The following KDM5B variants were observed in gnomAD, a reference collection of about 807,000 sequenced individuals.
KDM5B encodes lysine-specific demethylase 5B.
A neutral mutation model predicts 193.4 loss-of-function variants in KDM5B; 144 were observed. The observed-to-expected ratio is 0.74, with a 90% CI of 0.65 to 0.86. The LOEUF (loss-of-function observed/expected upper bound fraction) is 0.86, where lower values mean the gene tolerates loss of function less well. Ranked by LOEUF, KDM5B falls within the 40% of genes least tolerant of loss-of-function variation. The pLI is 0.00. For synonymous variants in KDM5B, 668 were observed against 682.6 expected (o/e 0.98, Z 0.33); for missense variants, 1,833 against 1,886.9 (o/e 0.97, Z 0.53).
rs143823162 is a variant in KDM5B at position 202,776,715 on chromosome 1, T to C, written c.282+302A>G. Among the ~76,000 whole-genome samples, 391 of 152,134 alleles carry C rather than the reference T, an allele frequency of 2.6e-3. 1 individual carries two copies. The highest frequency in any genetic ancestry group is 4.3e-3 in the Non-Finnish European group (292 of 67,992). On this transcript the variant is annotated intron_variant, in intron 2 of 26. Coordinates refer to ENST00000367265, the MANE Select transcript of KDM5B (RefSeq NM_006618.5). ...TAGCTGGAACTACAGGCACACACCATCACACGTGGCTAATTTTTTAAACTA... is the reference window on the plus strand; with the variant it reads ...TAGCTGGAACTACAGGCACACACCACCACACGTGGCTAATTTTTTAAACTA...
chr1:202,807,881 G>A, intron 1 of KDM5B, among the ~76,000 whole-genome samples: 1 of 151,822 alleles, frequency 6.6e-6, no homozygotes, highest in Non-Finnish European at 1.5e-5. Context: ...CCATGGCACC[G>A]CCGAAGCCCC....
At chr1:202,766,461 G>C in intron 5 of KDM5B, 1 of 403,852 alleles carries the variant, frequency 2.5e-6, no homozygotes, top group Non-Finnish European at 4.8e-6. Context: ...AGCCAAGATC[G>C]CGCCACTGCA....
intron 1 of KDM5B, among the ~76,000 whole-genome samples, chr1:202,785,459 T>G (rs973174995): frequency 7.0e-6 from 1 of 142,756 alleles, no homozygotes; most frequent in Non-Finnish European, 1.6e-5. Context: ...CAAGTCACAC[T>G]GCCTGGGTTC....
At chr1:202,746,571 A>G in intron 14 of KDM5B, 1 of 397,986 alleles carries the variant, frequency 2.5e-6, no homozygotes. Context: ...TGATCTGAGT[A>G]TGAACACCAT....
At chr1:202,766,244 G>A (rs541285697) in intron 5 of KDM5B, among the ~76,000 whole-genome samples, 9 of 152,210 alleles carry the variant, frequency 5.9e-5, no homozygotes, top group South Asian at 4.1e-4. Context: ...GATGGCTCAC[G>A]CCTGTAATCC....
intron 1 of KDM5B, among the ~76,000 whole-genome samples, chr1:202,785,527 T>C (rs1286722371): frequency 1.3e-5 from 2 of 152,204 alleles, no homozygotes; most frequent in Admixed American, 1.3e-4. Flanking sequence ...ACCTTACGTA[T>C]GTGAATAAAG....
chr1:202,731,223 C>T (rs1654872861), intron 24 of KDM5B, among the ~76,000 whole-genome samples, 160 bp from the exon 25 acceptor site: 1 of 152,166 alleles, frequency 6.6e-6, no homozygotes, highest in Admixed American at 6.5e-5. Flanking sequence ...TTTAATGTGC[C>T]TAAAGCCACA....
At chr1:202,730,702 A>T (rs1340933243) in intron 25 of KDM5B, among the ~76,000 whole-genome samples, 1 of 152,198 alleles carries the variant, frequency 6.6e-6, no homozygotes, top group Non-Finnish European at 1.5e-5. Flanking sequence ...CACTAGAAGG[A>T]AGTGGCAGCA....
At position 202,774,538 on chromosome 1, in the gene KDM5B, T is replaced by G. The variant is rs75759300; in HGVS notation, c.405+75A>C. ...CCACCTGGCTGAGCAATAAGTTCCT[T>G]TTTAAGGCAAAGAAGATCAAATTCA... On this transcript the variant is annotated intron_variant, in intron 3 of 26. Coordinates refer to ENST00000367265, the MANE Select transcript of KDM5B (RefSeq NM_006618.5). The G allele has an allele frequency of 1.3e-3, 1,920 of 1,452,192 alleles. 27 individuals are homozygous for G. The African/African-American group carries it at 0.025, about 19-fold the overall frequency. 90.0% of individuals were successfully genotyped at this position (1,452,192 alleles called of 1,614,324 possible). A position where few individuals can be genotyped will look rare whatever the true frequency, so the allele number is the denominator to read the frequency against.
chr1:202,770,087 T>C (rs1040828112), intron 4 of KDM5B, among the ~76,000 whole-genome samples: 1 of 152,216 alleles, frequency 6.6e-6, no homozygotes, highest in South Asian at 2.1e-4. Flanking sequence ...AAGAAAATCA[T>C]GCCCTGTAGT....
At chr1:202,729,294 C>A (rs1455557612) in intron 26 of KDM5B, 121 bp from the exon 27 acceptor site, 2 of 1,059,466 alleles carry the variant, frequency 1.9e-6, no homozygotes, top group Non-Finnish European at 2.8e-6. Context: ...ACCACTGGGA[C>A]CTCTGGCACA....
At chr1:202,738,287 T>C (rs1260910699) in intron 20 of KDM5B, among the ~76,000 whole-genome samples, 3 of 152,212 alleles carry the variant, frequency 2.0e-5, no homozygotes, top group African/African-American at 7.2e-5. Flanking sequence ...TCTGATTTTA[T>C]ATGTCAGCCT....
chr1:202,755,728 GGCAA>G (rs1395015741), intron 10 of KDM5B, among the ~76,000 whole-genome samples: 1 of 152,042 alleles, frequency 6.6e-6, no homozygotes, highest in Non-Finnish European at 1.5e-5. Flanking sequence ...TTCAAAATCA[GGCAA>G]ACTAATCTAT....
intron 1 of KDM5B, 119 bp downstream of exon 1, chr1:202,807,983 T>C: frequency 9.5e-7 from 1 of 1,052,444 alleles, no homozygotes; most frequent in Non-Finnish European, 1.3e-6. Context: ...GCCCCAAACT[T>C]GACGAGGCCG....
intron 15 of KDM5B, 37 bp downstream of exon 15, chr1:202,746,104 TG>T: frequency 1.3e-6 from 2 of 1,535,686 alleles, no homozygotes; most frequent in East Asian, 4.7e-5. Flanking sequence ...AAGGATCAAC[TG>T]TTTTCCATAG....
intron 5 of KDM5B, among the ~76,000 whole-genome samples, chr1:202,765,286 A>G (rs941823462): frequency 2.6e-5 from 4 of 152,230 alleles, no homozygotes; most frequent in African/African-American, 9.6e-5. Flanking sequence ...TTCCTCATTG[A>G]GGGTATAGAA....
chr1:202,793,772 G>A (rs1230603163), intron 1 of KDM5B, among the ~76,000 whole-genome samples: 1 of 152,066 alleles, frequency 6.6e-6, no homozygotes, highest in Non-Finnish European at 1.5e-5. Flanking sequence ...AAAAAATCTT[G>A]ATGAGCAACT....
At chr1:202,790,514 G>A (rs1013553839) in intron 1 of KDM5B, among the ~76,000 whole-genome samples, 4 of 152,040 alleles carry the variant, frequency 2.6e-5, no homozygotes, top group Non-Finnish European at 5.9e-5. Flanking sequence ...GAGGTCTGGA[G>A]TTCGAGACCA....
At chr1:202,742,123 T>C (rs371230474) in intron 18 of KDM5B, among the ~76,000 whole-genome samples, 2 of 152,222 alleles carry the variant, frequency 1.3e-5, no homozygotes, top group East Asian at 3.9e-4. Context: ...ATCCACCTCC[T>C]CAGCCTCCCA....
Sources: allele counts gnomAD v4.1 joint callset (sites outside exome capture counted in the v4.1 genomes callset), GRCh38; gene constraint gnomAD v4.1.1; transcripts MANE v1.5; gene names NCBI Gene and HGNC (gene_info 2026-07-23, HGNC 2026-07-21).